The following COX4I2 variants were observed in gnomAD, a reference collection of about 807,000 sequenced individuals.
COX4I2 encodes the protein cytochrome c oxidase subunit 4 isoform 2, mitochondrial.
COX4I2 carries 15 observed loss-of-function variants against 20.8 expected under a neutral mutation model. That is an observed-to-expected ratio of 0.72 (90% confidence interval 0.48 to 1.11). The LOEUF is 1.11. COX4I2 is among the 50% of genes most tolerant of loss of function. The pLI, the probability that COX4I2 is intolerant of heterozygous loss-of-function variation, is 0.00. For missense variants in COX4I2, 224 were observed against 223.0 expected, an observed-to-expected ratio of 1.00 and a Z score of -0.03; for synonymous variants, 80 against 78.1, an observed-to-expected ratio of 1.02 and a Z score of -0.13.
At chr20:31,641,651 G>T (rs191268295) in intron 3 of COX4I2, among the ~76,000 whole-genome samples, 2 of 152,282 alleles carry the variant, frequency 1.3e-5, no homozygotes, top group East Asian at 1.9e-4. Context: ...TACAATGAAG[G>T]TTTGGTGGGA....
At chr20:31,638,289 A>G (rs2060447489) in intron 1 of COX4I2, among the ~76,000 whole-genome samples, 1 of 148,134 alleles carries the variant, frequency 6.8e-6, no homozygotes, top group Non-Finnish European at 1.5e-5. Flanking sequence ...CCCTCACTCT[A>G]TTTGTTGGGT....
At chr20:31,639,509 G>A (rs1391933292) in intron 2 of COX4I2, among the ~76,000 whole-genome samples, 1 of 149,906 alleles carries the variant, frequency 6.7e-6, no homozygotes, top group Middle Eastern at 3.3e-3. Context: ...GAATAACAAA[G>A]ATAACATTTA....
intron 3 of COX4I2, among the ~76,000 whole-genome samples, chr20:31,640,954 T>TAC (rs35214276): frequency 0.19 from 25,603 of 133,392 alleles, 2,415 homozygotes; most frequent in African/African-American, 0.25. Flanking sequence ...TCTCTCTTTC[T>TAC]ACACACACAC....
At chr20:31,640,353 C>T (rs907072750) in intron 3 of COX4I2, among the ~76,000 whole-genome samples, 2 of 152,154 alleles carry the variant, frequency 1.3e-5, no homozygotes, top group African/African-American at 2.4e-5. Flanking sequence ...CCCCCGGTCC[C>T]GTGGGGAAAA....
chr20:31,642,474 C>G (rs2060474045), intron 3 of COX4I2, among the ~76,000 whole-genome samples: 1 of 115,358 alleles, frequency 8.7e-6, no homozygotes, highest in South Asian at 2.8e-4. Flanking sequence ...GAGTCTCGCT[C>G]TGTCGCCTAG....
intron 4 of COX4I2, 47 bp from the exon 5 acceptor site, chr20:31,644,720 TG>T (rs2060486026): frequency 1.9e-6 from 3 of 1,610,622 alleles, no homozygotes; most frequent in Non-Finnish European, 2.5e-6. Flanking sequence ...CCCTGGCTGG[TG>T]TAGGAAGACT....
rs1232603897 is a variant in COX4I2 at position 31,640,009 on chromosome 20, C to A, written c.159C>A (p.Phe53Leu). The change falls in exon 3 of 5, where the codon TTC becomes TTA. Residue 53 changes from phenylalanine (F) to leucine (L), a missense_variant. Phe to Leu is a conservative substitution (Grantham distance 22). Transcript: ENST00000376075. The part of the protein sequence containing the change: ...QRYYPMPEEP[F>L]CTELNAEEQA... ...ACTACCCCATGCCAGAAGAGCCCTT[C>A]TGCACAGAACTCAACGCTGAGGAGC... 6.2e-7 allele frequency: 1 copy of A among 1,614,046 alleles called. No individual in the cohort carries two copies. Among genetic ancestry groups the A allele is most frequent in the Non-Finnish European group, 8.5e-7 (1 of 1,180,004 alleles).
At chr20:31,641,182 T>TA (rs893209993) in intron 3 of COX4I2, among the ~76,000 whole-genome samples, 13 of 146,866 alleles carry the variant, frequency 8.9e-5, no homozygotes, top group East Asian at 2.0e-4. Flanking sequence ...TAATAAAATT[T>TA]AAAAAAAAAA....
intron 4 of COX4I2, among the ~76,000 whole-genome samples, chr20:31,644,095 G>A (rs1010943129): frequency 6.6e-6 from 1 of 152,210 alleles, no homozygotes; most frequent in African/African-American, 2.4e-5. Flanking sequence ...ACAGGCATGA[G>A]CCACTGTGCC....
intron 4 of COX4I2, 120 bp from the exon 5 acceptor site, chr20:31,644,648 C>T: frequency 8.6e-7 from 1 of 1,163,018 alleles, no homozygotes. Flanking sequence ...GATACTTCAA[C>T]CCTGGAGTAT....
At chr20:31,643,349 G>C in intron 3 of COX4I2, 55 bp from the exon 4 acceptor site, 1 of 1,610,724 alleles carries the variant, frequency 6.2e-7, no homozygotes. Context: ...GGGAAGCCGG[G>C]ATCACTTAGA....
intron 2 of COX4I2, among the ~76,000 whole-genome samples, chr20:31,639,610 T>G (rs2060455202): frequency 6.7e-6 from 1 of 148,836 alleles, no homozygotes; most frequent in African/African-American, 2.5e-5. Context: ...GGCTAGAGTG[T>G]TCAGTGGCGC....
intron 3 of COX4I2, among the ~76,000 whole-genome samples, chr20:31,641,270 A>G (rs569074626): frequency 9.9e-5 from 15 of 151,544 alleles, no homozygotes; most frequent in Non-Finnish European, 2.2e-4. Flanking sequence ...AGGCAGGAGG[A>G]TCACTTGAGC....
intron 3 of COX4I2, among the ~76,000 whole-genome samples, 153 bp downstream of exon 3, chr20:31,640,250 T>A (rs994455906): frequency 2.6e-5 from 4 of 152,120 alleles, no homozygotes; most frequent in African/African-American, 9.7e-5. Context: ...TTTGTTCGTT[T>A]CTTTATTCAC....
chr20:31,640,479 C>T (rs2060461799), intron 3 of COX4I2, among the ~76,000 whole-genome samples: 1 of 152,048 alleles, frequency 6.6e-6, no homozygotes. Context: ...TCCAGCTGGC[C>T]TTTAAGGGTG....
intron 3 of COX4I2, 119 bp downstream of exon 3, chr20:31,640,216 C>A: frequency 9.5e-7 from 1 of 1,048,156 alleles, no homozygotes; most frequent in Non-Finnish European, 1.4e-6. Flanking sequence ...AACCTCCAAA[C>A]ACCTGAGGGG....
chr20:31,643,762 A>T (rs2060481273), intron 4 of COX4I2, among the ~76,000 whole-genome samples: 2 of 152,204 alleles, frequency 1.3e-5, no homozygotes, highest in Admixed American at 1.3e-4. Flanking sequence ...GTAATGTTCC[A>T]TCTCAGGGTA....
chr20:31,639,557 C>G (rs1044635856), intron 2 of COX4I2, among the ~76,000 whole-genome samples: 2 of 116,746 alleles, frequency 1.7e-5, no homozygotes, highest in Non-Finnish European at 3.5e-5. Context: ...TTATAAACCT[C>G]CTTTTTTTTT....
intron 3 of COX4I2, among the ~76,000 whole-genome samples, chr20:31,641,914 G>A (rs2060470328): frequency 6.6e-6 from 1 of 151,804 alleles, no homozygotes; most frequent in Non-Finnish European, 1.5e-5. Flanking sequence ...CACCATGTTG[G>A]CCAGACTGGT....
Sources: allele counts gnomAD v4.1 joint callset (sites outside exome capture counted in the v4.1 genomes callset), GRCh38; gene constraint gnomAD v4.1.1; transcripts MANE v1.5; gene names NCBI Gene and HGNC (gene_info 2026-07-23, HGNC 2026-07-21).